ADGB: variants seen among roughly 807,000 people sequenced by gnomAD.
ADGB encodes the protein androglobin.
In ADGB, 172 loss-of-function variants were observed where a neutral mutation model predicts 210.5. The ratio of observed to expected loss-of-function variants is 0.82; its 90% CI spans 0.72 to 0.93. ADGB has a LOEUF of 0.93. Among genes scored for constraint, ADGB ranks in the 40% least tolerant of loss-of-function variants. ADGB has a pLI of 0.00. For missense variants in ADGB, 2,025 were observed against 1,964.8 expected, an observed-to-expected ratio of 1.03 and a Z score of -0.58; for synonymous variants, 658 against 662.7, an observed-to-expected ratio of 0.99 and a Z score of 0.11.
At chr6:146,808,317 A>G (rs904545584) in intron 35 of ADGB, among the ~76,000 whole-genome samples, 1 of 152,122 alleles carries the variant, frequency 6.6e-6, no homozygotes, top group African/African-American at 2.4e-5. Context: ...GCCATTTTTA[A>G]AAACTGAACT....
rs1284070867 is a variant in ADGB, at chr6:146,788,497, G to A, written c.4424G>A (p.Trp1475Ter). 1 of 1,551,518 alleles carries A rather than the reference G, an allele frequency of 6.4e-7. No homozygotes were observed. Among genetic ancestry groups the A allele is most frequent in the Non-Finnish European group, 8.7e-7 (1 of 1,146,958 alleles). ...TCAGGGAGTGCGGTGTGGAAGAAGT[G>A]GCAATTGACCAAAGGCTTGAGGGAT... ...TGSGSAVWKKWQLTKGLRDVA... is the reference protein window; with the variant it reads ...TGSGSAVWKK Residue 1475 changes from tryptophan (W) to a stop codon, truncating the protein, a stop_gained, in exon 33 of 36, where the codon TGG becomes TAG. Transcript: ENST00000397944. LOFTEE classifies it high-confidence loss of function.
chr6:146,640,689 A>G (rs1421822173), intron 2 of ADGB, among the ~76,000 whole-genome samples: 1 of 152,086 alleles, frequency 6.6e-6, no homozygotes, highest in Non-Finnish European at 1.5e-5. Flanking sequence ...AATGCAGAAG[A>G]GGCTTTTGAT....
chr6:146,635,173 C>T (rs1775399582), intron 1 of ADGB, among the ~76,000 whole-genome samples: 2 of 151,888 alleles, frequency 1.3e-5, no homozygotes, highest in South Asian at 4.2e-4. Flanking sequence ...TCCACTTTAG[C>T]TTATGAAATA....
chr6:146,799,156 A>G (rs1778087441), intron 33 of ADGB, among the ~76,000 whole-genome samples: 1 of 152,014 alleles, frequency 6.6e-6, no homozygotes, highest in Non-Finnish European at 1.5e-5. Context: ...AGACTCTACA[A>G]AAAAACCTAT....
At chr6:146,686,750 C>G (rs1285305853) in intron 10 of ADGB, among the ~76,000 whole-genome samples, 2 of 152,036 alleles carry the variant, frequency 1.3e-5, no homozygotes, top group African/African-American at 4.8e-5. Context: ...TGTTTGGGAA[C>G]TGTAGACATC....
intron 2 of ADGB, among the ~76,000 whole-genome samples, chr6:146,641,220 T>C (rs1775508601): frequency 6.6e-6 from 1 of 151,802 alleles, no homozygotes; most frequent in Admixed American, 6.6e-5. Flanking sequence ...TGAAACATCA[T>C]CTATACAAGC....
At chr6:146,617,624 C>T (rs554979456) in intron 1 of ADGB, among the ~76,000 whole-genome samples, 16 of 151,802 alleles carry the variant, frequency 1.1e-4, no homozygotes, top group African/African-American at 3.6e-4. Flanking sequence ...CTTCTATGCG[C>T]AATTTATGTA....
chr6:146,676,363 A>G lies in ADGB; in HGVS notation c.1138A>G (p.Lys380Glu). 1 of 1,549,690 alleles carries G rather than the reference A, an allele frequency of 6.5e-7. No individual in the cohort carries two copies. Among genetic ancestry groups the G allele is most frequent in the African/African-American group, 1.4e-5 (1 of 73,108 alleles). Residue 380 changes from lysine to glutamate, a missense_variant, in exon 9 of 36, where the codon AAA (lysine) becomes GAA (glutamate). Transcript: ENST00000397944. ...IGKKRSKDGE[K>E]EKFKFSLHGS... ...AAAGAAGAGAAGCAAAGATGGAGAAAAAGAAAAATTCAAATTCTCACTTCA... is the reference window on the plus strand; with the variant it reads ...AAAGAAGAGAAGCAAAGATGGAGAAGAAGAAAAATTCAAATTCTCACTTCA...
In ADGB at chr6:146,599,133, T is replaced by C. The variant is rs1384041469; in HGVS notation, c.74+19T>C. 1.9e-6 allele frequency: 3 copies of C among 1,548,708 alleles called. No homozygotes were observed. The highest frequency in any genetic ancestry group is 2.6e-6 in the Non-Finnish European group (3 of 1,144,352). On this transcript the variant is annotated intron_variant, in intron 1 of 35. Transcript: ENST00000397944. ...CGAAAGAGTAAGGGACCTCTGCCTG[T>C]CCGTCCCTCCCCTGGCCTAGCCCCT... is the stretch of plus-strand genomic sequence containing the variant.
chr6:146,802,979 T>C lies in ADGB; in HGVS notation c.4818+968T>C, dbSNP rs368572400. The C allele has an allele frequency of 4.3e-6, 7 of 1,609,666 alleles. No homozygotes were observed. The African/African-American group carries it at 8.0e-5, about 18-fold the overall frequency. The stretch of plus-strand genomic sequence containing the variant: ...CTGACCACCACCTTTTAATGACTGC[T>C]TGAAGCCAGTTTAAACCAACTATAA... On this transcript the variant is annotated intron_variant, in intron 35 of 35. Transcript: ENST00000397944.
At chr6:146,766,608 A>C (rs1298616899) in intron 28 of ADGB, among the ~76,000 whole-genome samples, 1 of 152,030 alleles carries the variant, frequency 6.6e-6, no homozygotes, top group East Asian at 1.9e-4. Context: ...TGAAACGATA[A>C]TTCAAAGTCC....
chr6:146,626,255 C>A (rs1192642596), intron 1 of ADGB, among the ~76,000 whole-genome samples: 1 of 151,884 alleles, frequency 6.6e-6, no homozygotes, highest in Non-Finnish European at 1.5e-5. Context: ...ATATTATAAA[C>A]CTCGTATTAC....
chr6:146,786,916 G>T (rs1368541913), intron 32 of ADGB, among the ~76,000 whole-genome samples: 1 of 152,112 alleles, frequency 6.6e-6, no homozygotes, highest in Middle Eastern at 3.2e-3. Context: ...ACTGAAGTAG[G>T]AGAGAAAGAT....
At chr6:146,678,149 A>T (rs1333814329) in intron 9 of ADGB, among the ~76,000 whole-genome samples, 1 of 152,196 alleles carries the variant, frequency 6.6e-6, no homozygotes, top group African/African-American at 2.4e-5. Context: ...TAATGGATAG[A>T]CAGTAAGTGT....
intron 29 of ADGB, among the ~76,000 whole-genome samples, chr6:146,776,579 G>T (rs1777725655): frequency 6.6e-6 from 1 of 152,144 alleles, no homozygotes; most frequent in Admixed American, 6.6e-5. Flanking sequence ...TGACATTTTA[G>T]TAGGTACTTT....
chr6:146,679,247 C>A (rs1281433015), intron 9 of ADGB, among the ~76,000 whole-genome samples: 1 of 152,166 alleles, frequency 6.6e-6, no homozygotes, highest in Non-Finnish European at 1.5e-5. Flanking sequence ...ATTCCACTTT[C>A]CTGATCACCA....
At chr6:146,775,934 A>G (rs1037315435) in intron 29 of ADGB, among the ~76,000 whole-genome samples, 19 of 152,096 alleles carry the variant, frequency 1.2e-4, no homozygotes, top group African/African-American at 4.3e-4. Context: ...GTAAATTTTC[A>G]AATTCCAACC....
At chr6:146,780,264 A>G (rs1261954032) in intron 29 of ADGB, among the ~76,000 whole-genome samples, 2 of 152,202 alleles carry the variant, frequency 1.3e-5, no homozygotes, top group African/African-American at 4.8e-5. Context: ...AGGGAATTAA[A>G]AAGTAAACAG....
In ADGB at chr6:146,784,553, G is replaced by C. The variant is rs372814596; in HGVS notation, c.4036-65G>C. 5 of 1,241,780 alleles carry C rather than the reference G, an allele frequency of 4.0e-6. No individual in the cohort carries two copies. The African/African-American group carries it at 4.6e-5, about 11-fold the overall frequency. The allele number at this position is 1,241,780 out of a possible 1,614,324, so 76.9% of individuals were successfully genotyped here. ...CTAATAGTGAAATTATGTATCATATGGTAAAATCTAGACCCTTTTGAAAGA... is the reference window on the plus strand; with the variant it reads ...CTAATAGTGAAATTATGTATCATATCGTAAAATCTAGACCCTTTTGAAAGA... On this transcript the variant is annotated intron_variant, in intron 30 of 35. Coordinates refer to ENST00000397944, the MANE Select transcript of ADGB (RefSeq NM_024694.4).
Sources: gnomAD v4.1 joint callset for allele counts (sites outside exome capture counted in the v4.1 genomes callset) on GRCh38, gnomAD v4.1.1 for gene constraint, MANE v1.5 for transcripts, NCBI Gene and HGNC (gene_info 2026-07-23, HGNC 2026-07-21) for gene names.